The following PHLPP1 variants were observed in gnomAD, a reference collection of about 807,000 sequenced individuals.
The protein encoded by PHLPP1 is PH domain leucine-rich repeat-containing protein phosphatase 1.
A neutral mutation model predicts 117.2 loss-of-function variants in PHLPP1; 42 were observed. The observed-to-expected ratio is 0.36, with a 90% CI of 0.28 to 0.46. The LOEUF (loss-of-function observed/expected upper bound fraction) is 0.46, where lower values mean the gene tolerates loss of function less well. PHLPP1 is among the 20% of genes least tolerant of loss of function. The pLI, the probability that PHLPP1 is intolerant of heterozygous loss-of-function variation, is 1.00. For missense variants in PHLPP1, 2,084 were observed against 2,241.9 expected (o/e 0.93, Z 1.42); for synonymous variants, 1,042 against 970.7 (o/e 1.07, Z -1.37).
At chr18:62,840,094 A>G (rs1480125117) in intron 3 of PHLPP1, among the ~76,000 whole-genome samples, 1 of 152,158 alleles carries the variant, frequency 6.6e-6, no homozygotes, top group Non-Finnish European at 1.5e-5. Context: ...GTGTGATGTA[A>G]TTATTTGTCA....
chr18:62,852,469 G>A (rs1378523988), intron 3 of PHLPP1, among the ~76,000 whole-genome samples: 4 of 151,994 alleles, frequency 2.6e-5, no homozygotes, highest in African/African-American at 9.7e-5. Flanking sequence ...TCAGCCTCCC[G>A]AGTAGCTGGG....
chr18:62,923,003 G>A (rs2144429284), intron 10 of PHLPP1, among the ~76,000 whole-genome samples: 1 of 152,246 alleles, frequency 6.6e-6, no homozygotes, highest in Non-Finnish European at 1.5e-5. Context: ...CCTGTATGTT[G>A]GAAAAGGAAG....
chr18:62,741,062 T>C (rs949125342), intron 1 of PHLPP1, among the ~76,000 whole-genome samples: 1 of 152,158 alleles, frequency 6.6e-6, no homozygotes, highest in South Asian at 2.1e-4. Flanking sequence ...CGTAGCAAAG[T>C]TGTGTTTTGT....
intron 1 of PHLPP1, among the ~76,000 whole-genome samples, chr18:62,792,892 AG>A (rs1244943625): frequency 2.6e-4 from 39 of 147,396 alleles, no homozygotes; most frequent in Non-Finnish European, 4.3e-4. Flanking sequence ...AAAAAAAAAA[AG>A]GTCACGCACA....
At chr18:62,797,404 A>AT (rs1025265582) in intron 1 of PHLPP1, among the ~76,000 whole-genome samples, 2 of 152,208 alleles carry the variant, frequency 1.3e-5, no homozygotes, top group Admixed American at 1.3e-4. Flanking sequence ...TAAAGCTTAT[A>AT]TCCTAGTGGG....
At position 62,978,263 on chromosome 18, in the gene PHLPP1, A is replaced by G; in HGVS notation, c.3986A>G (p.Asp1329Gly). 4 of 1,584,330 alleles carry G rather than the reference A, an allele frequency of 2.5e-6. No homozygotes were observed. The highest frequency in any genetic ancestry group is 1.1e-5 in the South Asian group (1 of 88,930). ...GTCTGCAAACCCTTGTTCTTCCAGG[A>G]TGGCAAGGTGAACGGAGTGACTGAG... ...IKQHKAIITEDGKVNGVTEST... is the reference protein window; with the variant it reads ...IKQHKAIITEGGKVNGVTEST... The change falls in exon 17 of 17, where the codon GAT becomes GGT. Residue 1329 changes from aspartate to glycine, a missense_variant and splice_region_variant. Around this residue, in one of 2 missense-constraint regions of PHLPP1, gnomAD observed 1,365 missense variants for 1,605.9 expected, o/e 0.85. Transcript: ENST00000262719. This position sits in a 1 kb window ranked among gnomAD's most constrained non-coding sequence, Gnocchi z 7.0.
At chr18:62,938,287 A>G (rs1037576128) in intron 10 of PHLPP1, among the ~76,000 whole-genome samples, 2 of 152,210 alleles carry the variant, frequency 1.3e-5, no homozygotes, top group Non-Finnish European at 2.9e-5. Context: ...CCCTTTAAGA[A>G]TTCAGCTTTT....
chr18:62,868,775 CAT>C (rs896756956), intron 4 of PHLPP1, among the ~76,000 whole-genome samples: 78 of 152,220 alleles, frequency 5.1e-4, no homozygotes, highest in African/African-American at 1.6e-3. Flanking sequence ...GCAAAGAACA[CAT>C]GTCTGATAAG....
intron 1 of PHLPP1, among the ~76,000 whole-genome samples, chr18:62,823,155 T>TA (rs1317122028): frequency 6.6e-6 from 1 of 152,174 alleles, no homozygotes; most frequent in Non-Finnish European, 1.5e-5. Context: ...AACCACTAAC[T>TA]ATAAAAGACG....
chr18:62,728,069 C>T (rs530777042), intron 1 of PHLPP1, among the ~76,000 whole-genome samples: 125 of 152,054 alleles, frequency 8.2e-4, no homozygotes, highest in African/African-American at 2.9e-3. Flanking sequence ...GGCGGGCGGG[C>T]AGATCACCTG....
chr18:62,851,479 G>C (rs1915348564), intron 3 of PHLPP1, among the ~76,000 whole-genome samples: 2 of 152,054 alleles, frequency 1.3e-5, no homozygotes, highest in South Asian at 4.1e-4. Context: ...ATTTATTTTT[G>C]AGATGGAGTC....
At chr18:62,871,318 ATTTTTGTTTTTG>A (rs995091948) in intron 4 of PHLPP1, among the ~76,000 whole-genome samples, 1 of 151,772 alleles carries the variant, frequency 6.6e-6, no homozygotes, top group African/African-American at 2.4e-5. Context: ...AGCTCTGTTT[ATTTTTGTTTTTG>A]TTTTTGTTTT....
chr18:62,813,815 C>G (rs1035110682), intron 1 of PHLPP1, among the ~76,000 whole-genome samples: 4 of 152,162 alleles, frequency 2.6e-5, no homozygotes, highest in African/African-American at 4.8e-5. Flanking sequence ...CAGCCTTTCC[C>G]TTTCAGCATT....
intron 10 of PHLPP1, among the ~76,000 whole-genome samples, chr18:62,927,040 A>G (rs1044151685): frequency 6.6e-6 from 1 of 152,154 alleles, no homozygotes; most frequent in African/African-American, 2.4e-5. Flanking sequence ...AGTAAGTGCA[A>G]CTTGAAGGGA....
intron 1 of PHLPP1, among the ~76,000 whole-genome samples, chr18:62,729,058 A>G (rs896880053): frequency 3.9e-5 from 6 of 152,194 alleles, no homozygotes; most frequent in Non-Finnish European, 8.8e-5. Flanking sequence ...GAGTCAGTTA[A>G]TTCCCAGAAA....
chr18:62,975,398 A>G lies in PHLPP1; in HGVS notation c.3757A>G (p.Lys1253Glu). Residue 1253 changes from lysine to glutamate, a missense_variant and splice_region_variant, in exon 16 of 17, where the codon AAA becomes GAA. By Grantham distance (56) the Lys-to-Glu change is moderately conservative. Transcript: ENST00000262719. ...MVNTFIVMQR[K>E]LGTAGQKLGG... ...TCACCCCCTCTCTTCGGATTCCAGG[A>G]AACTTGGAACTGCTGGGCAGAAGCT... is the stretch of plus-strand genomic sequence containing the variant. The G allele has an allele frequency of 6.2e-7, 1 of 1,610,578 alleles. No homozygotes were observed. The highest frequency in any genetic ancestry group is 1.7e-5 in the Admixed American group (1 of 60,010).
At chr18:62,932,432 G>A (rs528907542) in intron 10 of PHLPP1, among the ~76,000 whole-genome samples, 14 of 152,294 alleles carry the variant, frequency 9.2e-5, no homozygotes, top group African/African-American at 3.4e-4. Flanking sequence ...GCTCAAGAAA[G>A]CTTTATTCCT....
At chr18:62,958,411 T>C (rs192607551) in intron 12 of PHLPP1, among the ~76,000 whole-genome samples, 20 of 152,360 alleles carry the variant, frequency 1.3e-4, no homozygotes, top group Admixed American at 5.2e-4. Context: ...ACATGGATTT[T>C]CTGTTATTCA....
intron 12 of PHLPP1, among the ~76,000 whole-genome samples, chr18:62,946,642 T>G (rs1160623416): frequency 6.6e-6 from 1 of 151,974 alleles, no homozygotes; most frequent in Non-Finnish European, 1.5e-5. Flanking sequence ...ATTTTGTTTG[T>G]GTGTGTGTGT....
Sources: gnomAD v4.1 joint callset for allele counts (sites outside exome capture counted in the v4.1 genomes callset) on GRCh38, gnomAD v4.1.1 for gene constraint, gnomAD v4.1.1 regional missense constraint, Gnocchi (gnomAD v3.1) non-coding constraint, MANE v1.5 for transcripts, NCBI Gene and HGNC (gene_info 2026-07-23, HGNC 2026-07-21) for gene names.